Variants in STX4 observed in about 807,000 individuals in gnomAD.
The protein encoded by STX4 is syntaxin 4.
STX4 carries 24 observed loss-of-function variants against 41.8 expected under a neutral mutation model. That is an observed-to-expected ratio of 0.57 (90% CI 0.42 to 0.81). The LOEUF is 0.81. STX4 is among the 30% of genes least tolerant of loss of function. STX4 has a pLI of 0.00. For synonymous variants in STX4, 158 were observed against 156.4 expected (o/e 1.01, Z -0.08); for missense variants, 316 against 389.9 (o/e 0.81, Z 1.60).
intron 5 of STX4, 112 bp from the exon 6 acceptor site, chr16:31,037,814 C>T: frequency 9.7e-7 from 1 of 1,031,438 alleles, no homozygotes; most frequent in Non-Finnish European, 1.5e-6. Context: ...GTTAAGGTGG[C>T]AGATCCCGCA....
chr16:31,033,362 A>T, upstream of STX4: 1 of 867,910 alleles, frequency 1.2e-6, no homozygotes, highest in Non-Finnish European at 1.9e-6. The surrounding 1 kb of genome is among the most constrained non-coding windows in gnomAD (Gnocchi z 5.5). Context: ...CGTACAAATG[A>T]CGTATTCCTA....
Position 31,039,233 on chromosome 16 carries a change from T to C in STX4, c.703-308T>C. 2.9e-6 allele frequency: 1 copy of C among 347,866 alleles called. No homozygotes were observed. Among genetic ancestry groups the C allele is most frequent in the South Asian group, 3.3e-5 (1 of 30,408 alleles). 21.5% of individuals were successfully genotyped at this position (347,866 alleles called of 1,614,324 possible). ...CTGTAGATAGGCCTGGAAGAATGGG[T>C]AAATTCAGACAGATTTGTGAAGGCA... On this transcript the variant is annotated intron_variant, in intron 8 of 10. Transcript: ENST00000313843. This position sits in a 1 kb window ranked among gnomAD's most constrained non-coding sequence, Gnocchi z 4.1.
At chr16:31,036,517 G>A (rs1214393124) in intron 5 of STX4, among the ~76,000 whole-genome samples, 1 of 152,178 alleles carries the variant, frequency 6.6e-6, no homozygotes. Flanking sequence ...CATATTGGGT[G>A]CCTACTGTGT....
Position 31,038,654 on chromosome 16 carries a change from G to T in STX4, c.702+7G>T. 6.2e-7 allele frequency: 1 copy of T among 1,613,502 alleles called. No homozygotes were observed. The highest frequency in any genetic ancestry group is 1.1e-5 in the South Asian group (1 of 91,036). On this transcript the variant is annotated splice_region_variant and intron_variant, in intron 8 of 10. Transcript: ENST00000313843. The stretch of plus-strand genomic sequence containing the variant: ...TACCGAAGTGGAGATGCAGGTGGGT[G>T]CCCCGCGCAGCCCCAGACGTGAGAC...
chr16:31,034,511 G>C lies in STX4; in HGVS notation c.282G>C (p.Gly94=), dbSNP rs749664156. 6.9e-6 allele frequency: 11 copies of C among 1,602,288 alleles called. No homozygotes were observed. In the East Asian group the frequency reaches 2.2e-4, roughly 33 times the overall value. The change falls in exon 4 of 11, where the codon GGG becomes GGC. Residue 94 remains glycine (G), a synonymous_variant. Transcript: ENST00000313843. ...TGCGCGATGAGATCAAACAGCTGGG[G>C]AGGGAGATCCGCCTGCAGCTGAAGG... is the stretch of plus-strand genomic sequence containing the variant. ...QNLRDEIKQL[G]REIRLQLKAI...
At chr16:31,037,895 G>C in intron 5 of STX4, 31 bp from the exon 6 acceptor site, 2 of 1,612,714 alleles carry the variant, frequency 1.2e-6, no homozygotes, top group Non-Finnish European at 1.7e-6. Flanking sequence ...GATCCTCCCA[G>C]GGGCACTCAG....
At chr16:31,033,249 G>A, upstream of STX4, 1 of 677,182 alleles carries the variant, frequency 1.5e-6, no homozygotes. This position sits in a 1 kb window ranked among gnomAD's most constrained non-coding sequence, Gnocchi z 5.5. Flanking sequence ...ACACGTGACA[G>A]TCACAGGGTC....
Position 31,038,611 on chromosome 16 carries a change from C to T in STX4, c.666C>T (p.Asp222=), listed in dbSNP as rs2056821275. 1.2e-6 allele frequency: 2 copies of T among 1,614,132 alleles called. No individual in the cohort carries two copies. Among genetic ancestry groups the T allele is most frequent in the Non-Finnish European group, 8.5e-7 (1 of 1,180,024 alleles). Residue 222 remains aspartate (D), a synonymous_variant, in exon 8 of 11, where the codon GAC becomes GAT. Transcript: ENST00000313843. ...AACGCAGTATTCGTGAGCTGCACGA[C>T]ATATTCACTTTTCTGGCTACCGAAG... ...QLERSIRELH[D]IFTFLATEVE...
rs749169394 is a variant in STX4, at chr16:31,038,048, G to C, written c.487+14G>C. 3 of 1,614,186 alleles carry C rather than the reference G, an allele frequency of 1.9e-6. No individual in the cohort carries two copies. The Admixed American group carries it at 5.0e-5, about 27-fold the overall frequency. ...AGCTGAAGATCAGTGAGTTGTGCAT[G>C]CCCAGCCTGGCCCGCAGGGGCAGGT... On this transcript the variant is annotated intron_variant, in intron 6 of 10. Coordinates refer to ENST00000313843, the MANE Select transcript of STX4 (RefSeq NM_004604.5).
At position 31,039,216 on chromosome 16, in the gene STX4, A is replaced by G; in HGVS notation, c.703-325A>G. 1 of 317,790 alleles carries G rather than the reference A, an allele frequency of 3.1e-6. No individual in the cohort carries two copies. Among genetic ancestry groups the G allele is most frequent in the Non-Finnish European group, 6.0e-6 (1 of 167,468 alleles). 19.7% of individuals were successfully genotyped at this position (317,790 alleles called of 1,614,324 possible). A position where few individuals can be genotyped will look rare whatever the true frequency, so the allele number is the denominator to read the frequency against. ...GGAGGGCTTTGCAGCAGCTGTAGATAGGCCTGGAAGAATGGGTAAATTCAG... is the reference window on the plus strand; with the variant it reads ...GGAGGGCTTTGCAGCAGCTGTAGATGGGCCTGGAAGAATGGGTAAATTCAG... On this transcript the variant is annotated intron_variant, in intron 8 of 10. Coordinates refer to ENST00000313843, the MANE Select transcript of STX4 (RefSeq NM_004604.5). The surrounding 1 kb of genome is among the most constrained non-coding windows in gnomAD (Gnocchi z 4.1).
intron 5 of STX4, among the ~76,000 whole-genome samples, chr16:31,037,251 A>G (rs1202170208): frequency 7.3e-5 from 11 of 151,066 alleles, no homozygotes; most frequent in Admixed American, 7.2e-4. Flanking sequence ...TTTAGTAGAG[A>G]TGGGGTTTCA....
chr16:31,034,945 C>T (rs2056788196), intron 4 of STX4, 25 bp from the exon 5 acceptor site: 3 of 1,558,512 alleles, frequency 1.9e-6, no homozygotes, highest in African/African-American at 1.4e-5. Flanking sequence ...ACAAGTACCC[C>T]CAATACCCCT....
chr16:31,033,497 C>T (rs1261341827), upstream of STX4: 4 of 1,550,642 alleles, frequency 2.6e-6, no homozygotes, highest in Non-Finnish European at 2.6e-6. The surrounding 1 kb of genome is among the most constrained non-coding windows in gnomAD (Gnocchi z 5.5). Context: ...CCTTCCCAGC[C>T]TCGGGCAAGG....
At position 31,034,325 on chromosome 16, in the gene STX4, A is replaced by T; in HGVS notation, c.232A>T (p.Ser78Cys). Reference sequence around the variant, plus strand: ...CCTGGCCACGCCCCTTCCCGAGGAGAGTGAGTGAAACCCCGGCTGCAGGGC... The same window carrying T: ...CCTGGCCACGCCCCTTCCCGAGGAGTGTGAGTGAAACCCCGGCTGCAGGGC... Reference protein sequence around the residue: ...TILATPLPEESMKQELQNLRD... With the variant: ...TILATPLPEECMKQELQNLRD... The change falls in exon 3 of 11, where the codon AGC (serine) becomes TGC (cysteine). Residue 78 changes from serine (S) to cysteine (C), a missense_variant and splice_region_variant. By Grantham distance (112) the Ser-to-Cys change is moderately radical (BLOSUM62 -1). Coordinates refer to ENST00000313843, the MANE Select transcript of STX4 (RefSeq NM_004604.5). The T allele has an allele frequency of 8.1e-6, 13 of 1,613,932 alleles. No individual in the cohort carries two copies. Among genetic ancestry groups the T allele is most frequent in the Non-Finnish European group, 1.1e-5 (13 of 1,179,918 alleles).
At chr16:31,034,411 T>C (rs1291035393) in intron 3 of STX4, 51 bp from the exon 4 acceptor site, 2 of 1,603,362 alleles carry the variant, frequency 1.2e-6, no homozygotes, top group Non-Finnish European at 1.7e-6. Context: ...GCCAGAGTGG[T>C]TTGTTGAGGT....
upstream of STX4, chr16:31,033,526 C>T (rs1233148783): frequency 1.3e-6 from 2 of 1,550,020 alleles, no homozygotes; most frequent in East Asian, 2.4e-5. This position sits in a 1 kb window ranked among gnomAD's most constrained non-coding sequence, Gnocchi z 5.5. Flanking sequence ...CGACCATGTG[C>T]GCATGCCCCG....
intron 4 of STX4, 39 bp from the exon 5 acceptor site, chr16:31,034,931 G>A: frequency 6.7e-7 from 1 of 1,492,382 alleles, no homozygotes; most frequent in South Asian, 1.3e-5. Context: ...AAAATCCTAT[G>A]GAGACAAGTA....
chr16:31,033,840 G>A lies in STX4; in HGVS notation c.30+5G>A. ...AGGACCCACGAGCTGAGACAGGTGA[G>A]ACGCCAGGGCAGCGGGGATGGGGAC... On this transcript the variant is annotated splice_donor_5th_base_variant and intron_variant, in intron 1 of 10. Transcript: ENST00000313843. This position sits in a 1 kb window ranked among gnomAD's most constrained non-coding sequence, Gnocchi z 5.5. The A allele has an allele frequency of 6.9e-7, 1 of 1,453,058 alleles. No homozygotes were observed. Among genetic ancestry groups the A allele is most frequent in the Non-Finnish European group, 9.1e-7 (1 of 1,099,566 alleles). The allele number at this position is 1,453,058 out of a possible 1,614,324, so 90.0% of individuals were successfully genotyped here.
intron 7 of STX4, 103 bp from the exon 8 acceptor site, chr16:31,038,407 C>G (rs1026338339): frequency 6.7e-7 from 1 of 1,500,400 alleles, no homozygotes; most frequent in African/African-American, 1.4e-5. Context: ...CTGGAGTCAC[C>G]CATCAGATTC....
Sources: gnomAD v4.1 joint callset for allele counts (sites outside exome capture counted in the v4.1 genomes callset) on GRCh38, gnomAD v4.1.1 for gene constraint, Gnocchi (gnomAD v3.1) non-coding constraint, MANE v1.5 for transcripts, NCBI Gene and HGNC (gene_info 2026-07-23, HGNC 2026-07-21) for gene names.